The following NEBL variants were observed in gnomAD, a reference collection of about 807,000 sequenced individuals.
The protein encoded by NEBL is nebulette.
Under a neutral mutation model 140.2 loss-of-function variants are expected in NEBL, and 122 were observed. The observed-to-expected ratio is 0.87, with a 90% CI of 0.75 to 1.01. The LOEUF is 1.01. Ranked by LOEUF, NEBL falls within the 50% of genes least tolerant of loss-of-function variation. NEBL has a pLI of 0.00. For synonymous variants in NEBL, 436 were observed against 398.9 expected (o/e 1.09, Z -1.11); for missense variants, 1,365 against 1,231.3 (o/e 1.11, Z -1.62).
intron 1 of NEBL, among the ~76,000 whole-genome samples, chr10:21,291,291 AG>A (rs1843138397): frequency 6.6e-6 from 1 of 151,598 alleles, no homozygotes; most frequent in Non-Finnish European, 1.5e-5. Flanking sequence ...AGATCACTTG[AG>A]GTCAGGAGTT....
intron 26 of NEBL, among the ~76,000 whole-genome samples, chr10:20,799,211 A>G (rs4748725): frequency 0.086 from 13,032 of 152,252 alleles, 633 homozygotes; most frequent in African/African-American, 0.12. Context: ...GCTGGAGTGC[A>G]GTGGCGCAAT....
chr10:21,151,029 T>C (rs1428755324), intron 2 of NEBL, among the ~76,000 whole-genome samples: 1 of 152,140 alleles, frequency 6.6e-6, no homozygotes, highest in Non-Finnish European at 1.5e-5. Flanking sequence ...TTCCCTGACC[T>C]CTGAGCATCA....
intron 3 of NEBL, among the ~76,000 whole-genome samples, chr10:20,996,602 T>C (rs994237440): frequency 1.4e-4 from 22 of 152,192 alleles, no homozygotes; most frequent in African/African-American, 5.1e-4. Flanking sequence ...CGGAGACAAA[T>C]TGAAACCCAA....
At chr10:21,017,283 T>C (rs1838592990) in intron 3 of NEBL, among the ~76,000 whole-genome samples, 1 of 152,244 alleles carries the variant, frequency 6.6e-6, no homozygotes, top group Non-Finnish European at 1.5e-5. Context: ...TTGATGATGA[T>C]GATGTCTTTA....
At chr10:21,091,818 A>G (rs1836925663) in intron 2 of NEBL, among the ~76,000 whole-genome samples, 1 of 152,080 alleles carries the variant, frequency 6.6e-6, no homozygotes, top group South Asian at 2.1e-4. Flanking sequence ...TTTTTGTAGA[A>G]ATGGAGTCTT....
At chr10:21,266,713 T>G (rs192660177) in intron 1 of NEBL, among the ~76,000 whole-genome samples, 1 of 152,346 alleles carries the variant, frequency 6.6e-6, no homozygotes, top group Non-Finnish European at 1.5e-5. Flanking sequence ...GGGGAAGCAC[T>G]AAGGTGAGCA....
At position 20,888,024 on chromosome 10, in the gene NEBL, A is replaced by G. The variant is rs1402715470; in HGVS notation, c.369+73T>C. ...ACACCCATGATGAAAACGTTTTATT[A>G]AAACGCTAAGTAGCTTTTTTCCAGT... On this transcript the variant is annotated intron_variant, in intron 4 of 27. Coordinates refer to ENST00000377122, the MANE Select transcript of NEBL (RefSeq NM_006393.3). 3.7e-6 allele frequency: 4 copies of G among 1,081,880 alleles called. No homozygotes were observed. In the Admixed American group the frequency reaches 7.0e-5, roughly 19 times the overall value. 67.0% of individuals were successfully genotyped at this position (1,081,880 alleles called of 1,614,324 possible). A position where few individuals can be genotyped will look rare whatever the true frequency, so the allele number is the denominator to read the frequency against.
chr10:21,279,309 T>TA (rs58283929), intron 1 of NEBL, among the ~76,000 whole-genome samples: 1 of 149,620 alleles, frequency 6.7e-6, no homozygotes, highest in Non-Finnish European at 1.5e-5. Context: ...TTTTTTTTTT[T>TA]AGACAGTCTC....
intron 2 of NEBL, among the ~76,000 whole-genome samples, chr10:21,131,269 C>A (rs1338524564): frequency 1.3e-5 from 2 of 152,166 alleles, no homozygotes; most frequent in African/African-American, 4.8e-5. Context: ...AAACAGAAAG[C>A]ACAAGGCCTA....
intron 11 of NEBL, among the ~76,000 whole-genome samples, chr10:20,848,543 G>T (rs543928057): frequency 7.9e-4 from 120 of 152,284 alleles, no homozygotes; most frequent in African/African-American, 2.7e-3. Context: ...AAGGGTGAGG[G>T]AGCATTCCTG....
chr10:20,851,329 C>T (rs1842492383), intron 10 of NEBL, among the ~76,000 whole-genome samples: 1 of 151,636 alleles, frequency 6.6e-6, no homozygotes, highest in South Asian at 2.1e-4. Flanking sequence ...ATAATTCAAC[C>T]CAAGAGAAAT....
chr10:21,018,372 T>C (rs1041480617), intron 3 of NEBL, among the ~76,000 whole-genome samples: 1 of 152,120 alleles, frequency 6.6e-6, no homozygotes, highest in Non-Finnish European at 1.5e-5. Flanking sequence ...GAAAGGCACA[T>C]TGGATATGCA....
At chr10:21,069,087 C>T (rs1835699641) in intron 2 of NEBL, among the ~76,000 whole-genome samples, 1 of 152,134 alleles carries the variant, frequency 6.6e-6, no homozygotes, top group Non-Finnish European at 1.5e-5. Context: ...CAGTGTCTCA[C>T]TATGTGGCCC....
intron 4 of NEBL, among the ~76,000 whole-genome samples, chr10:20,925,505 C>T (rs192526357): frequency 1.2e-4 from 18 of 152,264 alleles, no homozygotes; most frequent in African/African-American, 2.6e-4. Flanking sequence ...AAAGCGTCCA[C>T]CCTCCAAAAG....
chr10:20,888,349 G>A (rs1186509602), intron 3 of NEBL, 142 bp from the exon 4 acceptor site: 1 of 649,084 alleles, frequency 1.5e-6, no homozygotes, highest in East Asian at 2.8e-5. Context: ...TTAGATACCA[G>A]AGCTGACAAA....
At chr10:21,063,450 A>G (rs918568243) in intron 2 of NEBL, among the ~76,000 whole-genome samples, 1 of 152,258 alleles carries the variant, frequency 6.6e-6, no homozygotes, top group African/African-American at 2.4e-5. Flanking sequence ...TTAACAAGTC[A>G]TAATAAACAA....
chr10:20,896,836 C>G, intron 2 of NEBL, 122 bp downstream of exon 2: 2 of 895,834 alleles, frequency 2.2e-6, no homozygotes, highest in South Asian at 2.6e-5. Context: ...GTTCCATGAT[C>G]TGGAAAGTGA....
At chr10:21,291,232 G>C (rs768509797) in intron 1 of NEBL, among the ~76,000 whole-genome samples, 1 of 152,112 alleles carries the variant, frequency 6.6e-6, no homozygotes, top group Non-Finnish European at 1.5e-5. Flanking sequence ...GAGGCCAGGC[G>C]CAGTGGCTCA....
intron 2 of NEBL, among the ~76,000 whole-genome samples, chr10:21,047,549 G>C (rs1303234869): frequency 6.7e-6 from 1 of 150,352 alleles, no homozygotes; most frequent in Non-Finnish European, 1.5e-5. Flanking sequence ...AAAAAAAAAA[G>C]ATTTTTTTTA....
Sources: allele counts gnomAD v4.1 joint callset (sites outside exome capture counted in the v4.1 genomes callset), GRCh38; gene constraint gnomAD v4.1.1; transcripts MANE v1.5; gene names NCBI Gene and HGNC (gene_info 2026-07-23, HGNC 2026-07-21).